The following DIS3L variants were observed in gnomAD, a reference collection of about 807,000 sequenced individuals.
DIS3L encodes the protein DIS3-like exonuclease 1.
DIS3L carries 100 observed loss-of-function variants against 120.3 expected under a neutral mutation model. The ratio of observed to expected loss-of-function variants is 0.83; its 90% CI spans 0.71 to 0.98. The LOEUF is 0.98. Among genes scored for constraint, DIS3L ranks in the 50% least tolerant of loss-of-function variants. The pLI, the probability that DIS3L is intolerant of heterozygous loss-of-function variation, is 0.00. For missense variants in DIS3L, 1,196 were observed against 1,314.2 expected, an observed-to-expected ratio of 0.91 and a Z score of 1.39; for synonymous variants, 426 against 470.6, an observed-to-expected ratio of 0.91 and a Z score of 1.23.
chr15:66,320,871 C>A, intron 9 of DIS3L, 139 bp downstream of exon 9: 1 of 1,099,838 alleles, frequency 9.1e-7, no homozygotes, highest in Non-Finnish European at 1.3e-6. Context: ...AATCTCAATC[C>A]TCTTTATTCT....
At chr15:66,309,094 A>AAAAAAAAAAAATATATATAT in intron 4 of DIS3L, among the ~76,000 whole-genome samples, 578 of 15,310 alleles carry the variant, frequency 0.038, 164 homozygotes, top group African/African-American at 0.11. Context: ...AAAAAAAAAA[A>AAAAAAAAAAAATATATATAT]ATATATATAT....
At chr15:66,309,320 A>G (rs1455467467) in intron 4 of DIS3L, among the ~76,000 whole-genome samples, 1 of 151,482 alleles carries the variant, frequency 6.6e-6, no homozygotes, top group Admixed American at 6.6e-5. Flanking sequence ...ATTCAGACCA[A>G]CTTTGACTAT....
At chr15:66,305,644 C>T (rs2092696271) in intron 2 of DIS3L, among the ~76,000 whole-genome samples, 1 of 152,098 alleles carries the variant, frequency 6.6e-6, no homozygotes, top group Admixed American at 6.6e-5. Flanking sequence ...CCTGCCTCAG[C>T]CTCCCGAGGA....
intron 4 of DIS3L, among the ~76,000 whole-genome samples, chr15:66,309,757 C>T (rs2092742111): frequency 6.6e-6 from 1 of 152,172 alleles, no homozygotes; most frequent in South Asian, 2.1e-4. Context: ...TGAAAATGCA[C>T]ACGAAACAAA....
In DIS3L at chr15:66,332,871, T is replaced by C. The variant is rs1028862168; in HGVS notation, c.2817T>C (p.Asp939=). 8 of 1,613,714 alleles carry C rather than the reference T, an allele frequency of 5.0e-6. No homozygotes were observed. The highest frequency in any genetic ancestry group is 6.8e-6 in the Non-Finnish European group (8 of 1,179,814). The stretch of plus-strand genomic sequence containing the variant: ...ACAAAATTACCTCTACTACAACAGA[T>C]GGGGAATCTGTTACGTTCCATTTGT... ...FQNKITSTTT[D]GESVTFHLFD... Residue 939 remains aspartate (D), a synonymous_variant, in exon 16 of 17, where the codon GAT becomes GAC. Transcript: ENST00000319212.
intron 11 of DIS3L, 63 bp from the exon 12 acceptor site, chr15:66,325,768 C>CA (rs1348158432): frequency 1.8e-5 from 27 of 1,529,626 alleles, no homozygotes; most frequent in Non-Finnish European, 2.2e-5. Flanking sequence ...CTCAAAAAAA[C>CA]AAAAAACAAA....
Position 66,314,068 on chromosome 15 carries a change from C to G in DIS3L, c.765C>G (p.Ala255=), listed in dbSNP as rs1415781194. 1 of 1,532,896 alleles carries G rather than the reference C, an allele frequency of 6.5e-7. No individual in the cohort carries two copies. The highest frequency in any genetic ancestry group is 8.7e-7 in the Non-Finnish European group (1 of 1,145,452). The allele number at this position is 1,532,896 out of a possible 1,614,324, so 95.0% of individuals were successfully genotyped here. A position where few individuals can be genotyped will look rare whatever the true frequency, so the allele number is the denominator to read the frequency against. The change falls in exon 6 of 17, where the codon GCC becomes GCG. Residue 255 remains alanine, a synonymous_variant. Coordinates refer to ENST00000319212, the MANE Select transcript of DIS3L (RefSeq NM_001143688.3). The stretch of plus-strand genomic sequence containing the variant: ...TTCTGAATGTCAACAAACACAGAGC[C>G]CAAATAGAAGCTTTTGTTCGACTTC... ...QGILNVNKHR[A]QIEAFVRLQG... is the part of the protein sequence containing the mutation.
In DIS3L at chr15:66,293,681, C is replaced by A. The variant is rs2092547745; in HGVS notation, c.85C>A (p.Pro29Thr). The A allele has an allele frequency of 7.1e-7, 1 of 1,402,120 alleles. No individual in the cohort carries two copies. Among genetic ancestry groups the A allele is most frequent in the Non-Finnish European group, 9.3e-7 (1 of 1,073,596 alleles). The allele number at this position is 1,402,120 out of a possible 1,614,324, so 86.9% of individuals were successfully genotyped here. A position where few individuals can be genotyped will look rare whatever the true frequency, so the allele number is the denominator to read the frequency against. Residue 29 changes from proline (P) to threonine (T), a missense_variant, in exon 1 of 17, where the codon CCC (proline) becomes ACC (threonine). By Grantham distance (38) the Pro-to-Thr change is conservative. Transcript: ENST00000319212. ...LRIVREHYLR[P>T]CVPCHSPLCP... ...GATCGTGCGCGAGCACTACCTGCGG[C>A]CCTGCGTGCCCTGCCACAGCCCGCT...
intron 2 of DIS3L, among the ~76,000 whole-genome samples, chr15:66,304,314 A>G (rs953212977): frequency 1.3e-5 from 2 of 150,958 alleles, no homozygotes; most frequent in Non-Finnish European, 3.0e-5. Context: ...TTAGCCGAGC[A>G]TAGTGGGGTG....
Position 66,322,818 on chromosome 15 carries a change from T to C in DIS3L, c.1458T>C (p.Asp486=), listed in dbSNP as rs2092899384. 1 of 1,614,190 alleles carries C rather than the reference T, an allele frequency of 6.2e-7. No individual in the cohort carries two copies. The highest frequency in any genetic ancestry group is 8.5e-7 in the Non-Finnish European group (1 of 1,180,016). Residue 486 remains aspartate, a synonymous_variant, in exon 10 of 17, where the codon GAT becomes GAC. Transcript: ENST00000319212. The part of the protein sequence containing the change: ...SIDPKGCEDV[D]DTLSVRTLNN... ...ACCCCAAAGGTTGTGAAGATGTGGA[T>C]GACACACTCTCAGTCAGAACCTTAA... is the stretch of plus-strand genomic sequence containing the variant.
In DIS3L at chr15:66,322,928, G is replaced by A. The variant is rs1160538760; in HGVS notation, c.1568G>A (p.Arg523Lys). 6.2e-7 allele frequency: 1 copy of A among 1,614,080 alleles called. No individual in the cohort carries two copies. The highest frequency in any genetic ancestry group is 2.2e-5 in the East Asian group (1 of 44,880). ...APNSYIDIEA[R>K]TRATTYYLAD... ...AATTCTTACATTGATATTGAAGCTAGAACAAGGTAATGCTATTTGAAATCA... is the reference window on the plus strand; with the variant it reads ...AATTCTTACATTGATATTGAAGCTAAAACAAGGTAATGCTATTTGAAATCA... The change falls in exon 10 of 17, where the codon AGA becomes AAA. Residue 523 changes from arginine (R) to lysine (K), a missense_variant. Physicochemically the swap from Arg to Lys is conservative, Grantham distance 26. Coordinates refer to ENST00000319212, the MANE Select transcript of DIS3L (RefSeq NM_001143688.3).
intron 6 of DIS3L, among the ~76,000 whole-genome samples, chr15:66,314,733 A>G (rs1395865675): frequency 1.3e-5 from 2 of 152,192 alleles, no homozygotes; most frequent in Admixed American, 6.5e-5. Context: ...GAAGTCCAGC[A>G]TAGGCTCACA....
intron 15 of DIS3L, among the ~76,000 whole-genome samples, chr15:66,332,479 G>T (rs2093009290): frequency 1.3e-5 from 1 of 79,522 alleles, no homozygotes; most frequent in Non-Finnish European, 3.1e-5. Flanking sequence ...AAAAAGTGAA[G>T]ACTGGAGTGT....
In DIS3L at chr15:66,333,354, TAC is replaced by T. The variant is rs2140426409; in HGVS notation, c.*44_*45del. 1.3e-6 allele frequency: 2 copies of T among 1,542,016 alleles called. No individual in the cohort carries two copies. Among genetic ancestry groups the T allele is most frequent in the Admixed American group, 2.1e-5 (1 of 47,570 alleles). On this transcript the variant is annotated 3_prime_UTR_variant, in exon 17 of 17. Transcript: ENST00000319212. ...TAAGAGCTGTCATATGTGAATGTTT[TAC>T]AGTCTTTTCAAACTTAACATTTAAT...
intron 9 of DIS3L, 61 bp from the exon 10 acceptor site, chr15:66,322,622 TAGTG>T: frequency 6.3e-7 from 1 of 1,592,994 alleles, no homozygotes; most frequent in Non-Finnish European, 8.6e-7. Context: ...CTGAGAATAT[TAGTG>T]AGTGGATTTT....
At chr15:66,307,257 A>G (rs967598337) in intron 3 of DIS3L, among the ~76,000 whole-genome samples, 22 of 152,048 alleles carry the variant, frequency 1.4e-4, no homozygotes, top group African/African-American at 5.1e-4. Context: ...GCGTGTATGT[A>G]TGGAGAAGGC....
intron 1 of DIS3L, chr15:66,293,998 G>T (rs2092554760): frequency 2.0e-6 from 2 of 989,986 alleles, no homozygotes; most frequent in Non-Finnish European, 2.4e-6. Context: ...CGCACCCCAT[G>T]CCGGAGGCCG....
chr15:66,324,582 A>G (rs1302561303), intron 11 of DIS3L, among the ~76,000 whole-genome samples: 1 of 152,248 alleles, frequency 6.6e-6, no homozygotes, highest in East Asian at 1.9e-4. Flanking sequence ...AATATAATCA[A>G]ATTGCCCTTC....
At chr15:66,293,976 G>A (rs2092554310) in intron 1 of DIS3L, 1 of 992,400 alleles carries the variant, frequency 1.0e-6, no homozygotes, top group African/African-American at 1.7e-5. Flanking sequence ...CAATGGGAGG[G>A]CCCGACAGAC....
Sources: gnomAD v4.1 joint callset for allele counts (sites outside exome capture counted in the v4.1 genomes callset) on GRCh38, gnomAD v4.1.1 for gene constraint, MANE v1.5 for transcripts, NCBI Gene and HGNC (gene_info 2026-07-23, HGNC 2026-07-21) for gene names.